Variants in PCDHA7 observed in about 807,000 individuals in gnomAD.
PCDHA7 encodes the protein protocadherin alpha-7.
A neutral mutation model predicts 57.2 loss-of-function variants in PCDHA7; 37 were observed. That is an observed-to-expected ratio of 0.65 (90% CI 0.50 to 0.85). PCDHA7 has a LOEUF of 0.85. Among genes scored for constraint, PCDHA7 ranks in the 40% least tolerant of loss-of-function variants. The pLI is 0.00. For synonymous variants in PCDHA7, 553 were observed against 558.8 expected (o/e 0.99, Z 0.15); for missense variants, 1,188 against 1,241.8 (o/e 0.96, Z 0.65).
At position 140,855,877 on chromosome 5, in the gene PCDHA7, C is replaced by A. The variant is rs577890350; in HGVS notation, c.2355+19139C>A. ...GATGTCGCTGTCGTCCACAAAATAG[C>A]TTTTTAGAACAAAGGCATCAGCCAG... is the stretch of plus-strand genomic sequence containing the variant. On this transcript the variant is annotated intron_variant, in intron 1 of 3. Coordinates refer to ENST00000525929, the MANE Select transcript of PCDHA7 (RefSeq NM_018910.3). 6.7e-6 allele frequency: 6 copies of A among 896,996 alleles called. 1 individual carries two copies. Among genetic ancestry groups the A allele is most frequent in the Non-Finnish European group, 9.9e-6 (6 of 604,068 alleles). 55.6% of individuals were successfully genotyped at this position (896,996 alleles called of 1,614,324 possible).
intron 1 of PCDHA7, among the ~76,000 whole-genome samples, chr5:140,886,642 A>T (rs1412113366): frequency 6.6e-6 from 1 of 152,048 alleles, no homozygotes; most frequent in African/African-American, 2.4e-5. Flanking sequence ...CCTGGCCAAC[A>T]TGGTGAAACC....
chr5:140,970,286 C>A (rs2096395973), intron 1 of PCDHA7, among the ~76,000 whole-genome samples: 2 of 152,174 alleles, frequency 1.3e-5, no homozygotes, highest in Admixed American at 6.5e-5. Context: ...GTAGCCTTTT[C>A]AAGTCCTTCA....
intron 1 of PCDHA7, among the ~76,000 whole-genome samples, chr5:140,953,756 G>C (rs2094932328): frequency 6.6e-6 from 1 of 152,208 alleles, no homozygotes; most frequent in South Asian, 2.1e-4. Context: ...ATTTATCCAA[G>C]AATTAAATTT....
chr5:140,870,857 G>C, intron 1 of PCDHA7: 1 of 1,613,916 alleles, frequency 6.2e-7, no homozygotes. Context: ...CGGTCGGTGG[G>C]TGCGGGCCAC....
At chr5:140,946,374 CGGTT>C (rs1308149019) in intron 1 of PCDHA7, among the ~76,000 whole-genome samples, 6 of 151,656 alleles carry the variant, frequency 4.0e-5, no homozygotes, top group Non-Finnish European at 5.9e-5. Flanking sequence ...CTCTTGCACA[CGGTT>C]GGTAGGAATG....
In PCDHA7 at chr5:140,980,207, CT is replaced by C. The variant is rs2096880359; in HGVS notation, c.2414+1204del. Among the ~76,000 whole-genome samples, 4 of 152,182 alleles carry C rather than the reference CT, an allele frequency of 2.6e-5. No individual in the cohort carries two copies. In the South Asian group the frequency reaches 8.3e-4, roughly 31 times the overall value. On this transcript the variant is annotated intron_variant, in intron 2 of 3. Coordinates refer to ENST00000525929, the MANE Select transcript of PCDHA7 (RefSeq NM_018910.3). ...TATATTTATTAGAGACCAACTTGTGCTTTTGCCTGCATCTGAGCTGTTGGTG... is the reference window on the plus strand; with the variant it reads ...TATATTTATTAGAGACCAACTTGTGCTTTGCCTGCATCTGAGCTGTTGGTG...
rs1274589805 is a variant in PCDHA7, at chr5:140,906,709, G to T, written c.2355+69971G>T. Among the ~76,000 whole-genome samples the T allele has an allele frequency of 3.3e-5, 5 of 152,190 alleles. No individual in the cohort carries two copies. In the East Asian group the frequency reaches 9.6e-4, roughly 29 times the overall value. ...AAGGATCTGGGCCATTTGTAGTCCT[G>T]CCTGGATTGTGCTGTTGTAGTTTCC... On this transcript the variant is annotated intron_variant, in intron 1 of 3. Transcript: ENST00000525929.
intron 1 of PCDHA7, among the ~76,000 whole-genome samples, chr5:140,941,214 CCTTTCTTTCTTTCTTT>C (rs60032403): frequency 8.2e-6 from 1 of 122,414 alleles, no homozygotes; most frequent in East Asian, 2.3e-4. Context: ...TTTCTTTCTT[CCTTTCTTTCTTTCTTT>C]CTTTCTTTCT....
chr5:140,884,060 G>C (rs781956914), intron 1 of PCDHA7: 4 of 1,613,548 alleles, frequency 2.5e-6, no homozygotes, highest in Non-Finnish European at 3.4e-6. Context: ...GCGCGCGGTG[G>C]ACGCCGATTC....
At chr5:140,988,483 C>T (rs2097299555) in intron 3 of PCDHA7, among the ~76,000 whole-genome samples, 2 of 152,030 alleles carry the variant, frequency 1.3e-5, no homozygotes, top group African/African-American at 4.8e-5. Context: ...AATTAGCATC[C>T]CCTACCTAGG....
At chr5:140,916,592 G>A (rs1554197534) in intron 1 of PCDHA7, among the ~76,000 whole-genome samples, 2 of 152,164 alleles carry the variant, frequency 1.3e-5, no homozygotes, top group Non-Finnish European at 2.9e-5. Flanking sequence ...ATGAGCTAGG[G>A]CCTGGAATGC....
At position 141,009,749 on chromosome 5, in the gene PCDHA7, A is replaced by G. The variant is rs2098414176; in HGVS notation, c.2626A>G (p.Ile876Val). Residue 876 changes from isoleucine to valine, a missense_variant, in exon 4 of 4, where the codon ATT (isoleucine) becomes GTT (valine). Ile to Val is a conservative substitution (Grantham distance 29). Transcript: ENST00000525929. ...SGPGELPDKFIIPGSPAIISI... is the reference protein window; with the variant it reads ...SGPGELPDKFVIPGSPAIISI... The stretch of plus-strand genomic sequence containing the variant: ...TCCCGGTGAGTTGCCCGACAAATTC[A>G]TTATCCCAGGATCTCCTGCAATCAT... 3 of 1,614,200 alleles carry G rather than the reference A, an allele frequency of 1.9e-6. No homozygotes were observed. The highest frequency in any genetic ancestry group is 1.6e-4 in the Middle Eastern group (1 of 6,062).
chr5:140,882,856 G>A (rs1352769264), intron 1 of PCDHA7: 1 of 1,614,098 alleles, frequency 6.2e-7, no homozygotes, highest in African/African-American at 1.3e-5. Context: ...CACTTGTACT[G>A]AGGAAAACAC....
intron 3 of PCDHA7, among the ~76,000 whole-genome samples, chr5:140,998,057 A>G (rs2097795221): frequency 1.3e-5 from 2 of 152,294 alleles, no homozygotes; most frequent in South Asian, 4.1e-4. Flanking sequence ...TGACATCATC[A>G]TCAACAGACT....
chr5:140,928,771 A>G lies in PCDHA7; in HGVS notation c.2356-50178A>G, dbSNP rs1554206294. 2 of 1,613,880 alleles carry G rather than the reference A, an allele frequency of 1.2e-6. No individual in the cohort carries two copies. Among genetic ancestry groups the G allele is most frequent in the East Asian group, 2.2e-5 (1 of 44,892 alleles). ...CCGTACTGCTCGCTTAGTTCTTCCC[A>G]CTGATGCAGTTAAGCAGAGGGTGGT... On this transcript the variant is annotated intron_variant, in intron 1 of 3. Coordinates refer to ENST00000525929, the MANE Select transcript of PCDHA7 (RefSeq NM_018910.3).
At chr5:140,944,344 C>T (rs567913669) in intron 1 of PCDHA7, among the ~76,000 whole-genome samples, 5 of 152,238 alleles carry the variant, frequency 3.3e-5, no homozygotes, top group Admixed American at 2.0e-4. Context: ...CGTGCCACCA[C>T]ACCTGGCTAA....
chr5:140,875,651 T>C lies in PCDHA7; in HGVS notation c.2355+38913T>C, dbSNP rs782085221. 1.4e-5 allele frequency: 23 copies of C among 1,613,722 alleles called. No homozygotes were observed. The East Asian group carries it at 5.1e-4, about 36-fold the overall frequency. On this transcript the variant is annotated intron_variant, in intron 1 of 3. Transcript: ENST00000525929. The stretch of plus-strand genomic sequence containing the variant: ...CTGGGGCTGGAGCTGGCGGAGCTGG[T>C]GCCGCGCCTGTTCCGGGTGGCGTCC...
intron 1 of PCDHA7, chr5:140,968,160 A>G: frequency 7.4e-6 from 12 of 1,614,104 alleles, no homozygotes; most frequent in Non-Finnish European, 1.0e-5. Context: ...ATCAATGACA[A>G]TCCACCAAGC....
intron 1 of PCDHA7, chr5:140,851,942 G>T: frequency 1.0e-6 from 1 of 967,952 alleles, no homozygotes; most frequent in Non-Finnish European, 1.2e-6. Flanking sequence ...TGTAGTATGT[G>T]ACTTTCAAAA....
Sources: gnomAD v4.1 joint callset for allele counts (sites outside exome capture counted in the v4.1 genomes callset) on GRCh38, gnomAD v4.1.1 for gene constraint, MANE v1.5 for transcripts, NCBI Gene and HGNC (gene_info 2026-07-23, HGNC 2026-07-21) for gene names.